BCKDHB: variants seen among roughly 807,000 people sequenced by gnomAD.
BCKDHB encodes 2-oxoisovalerate dehydrogenase subunit beta, mitochondrial.
A neutral mutation model predicts 48.5 loss-of-function variants in BCKDHB; 41 were observed. The ratio of observed to expected loss-of-function variants is 0.85; its 90% CI spans 0.66 to 1.10. The LOEUF (loss-of-function observed/expected upper bound fraction) is 1.10. BCKDHB is among the 50% of genes least tolerant of loss of function. BCKDHB has a pLI of 0.00. For synonymous variants in BCKDHB, 201 were observed against 174.8 expected, an observed-to-expected ratio of 1.15 and a Z score of -1.18; for missense variants, 496 against 494.2, an observed-to-expected ratio of 1.00 and a Z score of -0.03.
intron 9 of BCKDHB, among the ~76,000 whole-genome samples, chr6:80,281,936 T>C (rs1272197744): frequency 1.3e-5 from 2 of 152,186 alleles, no homozygotes; most frequent in Non-Finnish European, 2.9e-5. Flanking sequence ...GCAAGACATT[T>C]TTAATCAGAA....
chr6:80,197,052 TAG>T (rs1774163930), intron 6 of BCKDHB, among the ~76,000 whole-genome samples: 16 of 152,182 alleles, frequency 1.1e-4, no homozygotes, highest in Admixed American at 9.2e-4. Flanking sequence ...CGGTGTCAGT[TAG>T]TCCCACTTCT....
rs566741416 is a variant in BCKDHB at position 80,238,158 on chromosome 6, C to T, written c.951+34946C>T. Among the ~76,000 whole-genome samples, 34 of 152,252 alleles carry T rather than the reference C, an allele frequency of 2.2e-4. No individual in the cohort carries two copies. In the South Asian group the frequency reaches 6.8e-3, roughly 31 times the overall value. On this transcript the variant is annotated intron_variant, in intron 8 of 9. Transcript: ENST00000320393. ...TGTCACCCAGGCTGGAGTTCAGTGG[C>T]GTGATCTTGGCTTATAGCAACCTCC...
chr6:80,397,852 C>G, the BCKDHB span, among the ~76,000 whole-genome samples: 1 of 152,176 alleles, frequency 6.6e-6, no homozygotes, highest in Non-Finnish European at 1.5e-5. Flanking sequence ...GCACTCCAAC[C>G]TGGAGACAGA....
At chr6:80,258,073 A>G (rs183878329) in intron 8 of BCKDHB, among the ~76,000 whole-genome samples, 42 of 152,260 alleles carry the variant, frequency 2.8e-4, no homozygotes, top group African/African-American at 1.0e-3. Context: ...TTCTGCCTTT[A>G]AATACGCTGT....
chr6:80,400,646 G>A, the BCKDHB span, among the ~76,000 whole-genome samples: 2 of 152,018 alleles, frequency 1.3e-5, no homozygotes, highest in Non-Finnish European at 2.9e-5. Context: ...CAACCATTGT[G>A]GAAAGCAGTT....
chr6:80,199,468 T>C (rs1047269888), intron 6 of BCKDHB, among the ~76,000 whole-genome samples: 2 of 152,038 alleles, frequency 1.3e-5, no homozygotes, highest in Non-Finnish European at 2.9e-5. Context: ...TTTCCACTGA[T>C]AGTATTTTCG....
chr6:80,190,196 CTG>C (rs1773828537), intron 6 of BCKDHB, among the ~76,000 whole-genome samples: 2 of 152,170 alleles, frequency 1.3e-5, no homozygotes, highest in East Asian at 1.9e-4. Context: ...GGCTGGGAGT[CTG>C]TGAGAGAATT....
chr6:80,321,116 C>A (rs559207595), intron 9 of BCKDHB, among the ~76,000 whole-genome samples: 10 of 152,178 alleles, frequency 6.6e-5, no homozygotes, highest in African/African-American at 1.9e-4. Context: ...CAATATAGTT[C>A]ATCTAGGGCC....
At chr6:80,261,622 A>G (rs974324283) in intron 8 of BCKDHB, among the ~76,000 whole-genome samples, 1 of 151,924 alleles carries the variant, frequency 6.6e-6, no homozygotes, top group Non-Finnish European at 1.5e-5. Context: ...ATGGGTCTTC[A>G]TTTCACGAGT....
rs568780738 is a variant in BCKDHB at position 80,166,029 on chromosome 6, C to G, written c.344-1649C>G. On this transcript the variant is annotated intron_variant, in intron 3 of 9. Transcript: ENST00000320393. ...TCTATTTGTTTGAATTTTAGCTGTC[C>G]TGACTCATAGACTGGGGAGTCCTTT... Among the ~76,000 whole-genome samples, 7 of 152,278 alleles carry G rather than the reference C, an allele frequency of 4.6e-5. No individual in the cohort carries two copies. The South Asian group carries it at 1.5e-3, about 32-fold the overall frequency.
the BCKDHB span, among the ~76,000 whole-genome samples, chr6:80,363,520 A>G: frequency 2.0e-5 from 3 of 152,200 alleles, no homozygotes; most frequent in Admixed American, 6.5e-5. Flanking sequence ...TTCCTTTTCT[A>G]TCACACAAGA....
the BCKDHB span, among the ~76,000 whole-genome samples, chr6:80,360,552 C>A: frequency 6.6e-6 from 1 of 152,070 alleles, no homozygotes; most frequent in Non-Finnish European, 1.5e-5. Flanking sequence ...AAACTAAGAG[C>A]CTTATGTTCA....
Position 80,193,876 on chromosome 6 carries a change from C to T in BCKDHB, c.743-7058C>T, listed in dbSNP as rs145455707. On this transcript the variant is annotated intron_variant, in intron 6 of 9. Coordinates refer to ENST00000320393, the MANE Select transcript of BCKDHB (RefSeq NM_183050.4). ...GCATATGCAGACACTGAATTTACAT[C>T]TTCACATATTCATGTCTCTCAATAT... is the stretch of plus-strand genomic sequence containing the variant. Among the ~76,000 whole-genome samples the T allele has an allele frequency of 4.8e-3, 727 of 152,270 alleles. 2 individuals carry two copies. Among genetic ancestry groups the T allele is most frequent in the African/African-American group, 0.016 (680 of 41,534 alleles).
chr6:80,203,935 T>C (rs1246450747), intron 8 of BCKDHB, among the ~76,000 whole-genome samples: 1 of 147,920 alleles, frequency 6.8e-6, no homozygotes, highest in Non-Finnish European at 1.5e-5. Context: ...ACTCTGTTTG[T>C]AATAGTCTTA....
intron 8 of BCKDHB, among the ~76,000 whole-genome samples, chr6:80,242,592 A>G (rs527522914): frequency 6.6e-5 from 10 of 152,236 alleles, no homozygotes; most frequent in Non-Finnish European, 1.2e-4. Flanking sequence ...CACAGTTCAC[A>G]TTTTTATGGG....
At chr6:80,170,071 ATATACT>A (rs1203122101) in intron 5 of BCKDHB, 12 of 430,710 alleles carry the variant, frequency 2.8e-5, no homozygotes, top group African/African-American at 2.6e-4. Flanking sequence ...TGAAATGAAA[ATATACT>A]TAAAGTACAA....
At chr6:80,332,223 G>A (rs1045576327) in intron 9 of BCKDHB, among the ~76,000 whole-genome samples, 10 of 152,110 alleles carry the variant, frequency 6.6e-5, no homozygotes, top group South Asian at 2.1e-4. Flanking sequence ...AGTGCCAGCC[G>A]TGAGGGCTGT....
At chr6:80,322,670 AAAG>A (rs971962224) in intron 9 of BCKDHB, among the ~76,000 whole-genome samples, 3 of 152,180 alleles carry the variant, frequency 2.0e-5, no homozygotes, top group East Asian at 1.9e-4. Flanking sequence ...TATACTCACA[AAAG>A]AAGGACTTTA....
chr6:80,391,604 A>G, the BCKDHB span, among the ~76,000 whole-genome samples: 2 of 152,162 alleles, frequency 1.3e-5, no homozygotes, highest in African/African-American at 2.4e-5. Context: ...TTAATTTTGG[A>G]CTTATGGTCC....
Sources: gnomAD v4.1 joint callset for allele counts (sites outside exome capture counted in the v4.1 genomes callset) on GRCh38, gnomAD v4.1.1 for gene constraint, MANE v1.5 for transcripts, NCBI Gene and HGNC (gene_info 2026-07-23, HGNC 2026-07-21) for gene names.